ST3GAL2: variants seen among roughly 807,000 people sequenced by gnomAD.
The protein encoded by ST3GAL2 is ST3 beta-galactoside alpha-2,3-sialyltransferase 2, also known as CMP-N-acetylneuraminate-beta-galactosamide-alpha-2,3-sialyltransferase 2.
ST3GAL2 carries 16 observed loss-of-function variants against 37.5 expected under a neutral mutation model. The ratio of observed to expected loss-of-function variants is 0.43; its 90% confidence interval spans 0.29 to 0.65. The LOEUF is 0.65. ST3GAL2 is among the 30% of genes least tolerant of loss of function. ST3GAL2 has a pLI of 0.17. For synonymous variants in ST3GAL2, 238 were observed against 202.9 expected (o/e 1.17, Z -1.47); for missense variants, 383 against 487.8 (o/e 0.79, Z 2.02).
At chr16:70,423,602 C>T (rs2047730513) in intron 1 of ST3GAL2, among the ~76,000 whole-genome samples, 1 of 152,152 alleles carries the variant, frequency 6.6e-6, no homozygotes, top group African/African-American at 2.4e-5. Flanking sequence ...AGTTCTTCTA[C>T]CTCCTGGCTT....
intron 1 of ST3GAL2, chr16:70,422,877 G>C (rs2047724682): frequency 1.3e-5 from 2 of 152,188 alleles, no homozygotes; most frequent in African/African-American, 4.8e-5. Context: ...TCAAATACCT[G>C]TCCCCTCACA....
rs1248482082 is a variant in ST3GAL2, at chr16:70,381,745, G to A, written c.997C>T (p.His333Tyr). 6.2e-7 allele frequency: 1 copy of A among 1,614,098 alleles called. No homozygotes were observed. Among genetic ancestry groups the A allele is most frequent in the South Asian group, 1.1e-5 (1 of 91,090 alleles). The change falls in exon 7 of 7, where the codon CAC (histidine) becomes TAC (tyrosine). Residue 333 changes from histidine (H) to tyrosine (Y), a missense_variant. By Grantham distance (83) the His-to-Tyr change is moderately conservative. Coordinates refer to ENST00000342907, the MANE Select transcript of ST3GAL2 (RefSeq NM_006927.4). ...TGVHDADFEA[H>Y]IIDMLAKASK... ...GCCTTGGCCAGCATGTCGATGATGT[G>A]GGCCTCGAAGTCCGCGTCGTGCACG...
Position 70,399,135 on chromosome 16 carries a change from A to G in ST3GAL2, c.-605T>C. 1 of 399,876 alleles carries G rather than the reference A, an allele frequency of 2.5e-6. No individual in the cohort carries two copies. The highest frequency in any genetic ancestry group is 4.4e-6 in the Non-Finnish European group (1 of 227,026). 24.8% of individuals were successfully genotyped at this position (399,876 alleles called of 1,614,324 possible). A position where few individuals can be genotyped will look rare whatever the true frequency, so the allele number is the denominator to read the frequency against. The stretch of plus-strand genomic sequence containing the variant: ...CCAACCCTGAGAGGACAAAAACAGG[A>G]AGCTCTGTGAGTGTGGGAAAACTCC... On this transcript the variant is annotated 5_prime_UTR_variant, in exon 2 of 7. Transcript: ENST00000342907.
At position 70,388,480 on chromosome 16, in the gene ST3GAL2, C is replaced by T; in HGVS notation, c.600G>A (p.Met200Ile). 6.2e-7 allele frequency: 1 copy of T among 1,613,812 alleles called. No homozygotes were observed. The highest frequency in any genetic ancestry group is 2.2e-5 in the East Asian group (1 of 44,866). The change falls in exon 4 of 7, where the codon ATG (methionine) becomes ATA (isoleucine). Residue 200 changes from methionine to isoleucine, a missense_variant. By Grantham distance (10) the Met-to-Ile change is conservative. Around this residue, in one of 2 missense-constraint regions of ST3GAL2, gnomAD observed 160 missense variants for 248.6 expected, o/e 0.64. Coordinates refer to ENST00000342907, the MANE Select transcript of ST3GAL2 (RefSeq NM_006927.4). ...DVGSRTTHHF[M>I]YPESAKNLPA... ...GCAGGTTCTTGGCACTCTCAGGGTA[C>T]ATGAAATGGTGGGTGGTTCGGCTGC...
chr16:70,401,373 T>C (rs1200907532), intron 1 of ST3GAL2, among the ~76,000 whole-genome samples: 2 of 152,092 alleles, frequency 1.3e-5, no homozygotes, highest in African/African-American at 2.4e-5. Context: ...TTTTGACATG[T>C]CTGGAAAGAG....
In ST3GAL2 at chr16:70,381,820, G is replaced by A. The variant is rs1340688893; in HGVS notation, c.922C>T (p.His308Tyr). 4.3e-6 allele frequency: 7 copies of A among 1,613,950 alleles called. No homozygotes were observed. Among genetic ancestry groups the A allele is most frequent in the Non-Finnish European group, 5.9e-6 (7 of 1,179,962 alleles). The change falls in exon 7 of 7, where the codon CAC (histidine) becomes TAC (tyrosine). Residue 308 changes from histidine (H) to tyrosine (Y), a missense_variant. His to Tyr is a moderately conservative substitution (Grantham distance 83). Transcript: ENST00000342907. Reference protein sequence around the residue: ...GFGADSRGNWHHYWENNRYAG... With the variant: ...GFGADSRGNWYHYWENNRYAG... ...TACCGGTTGTTCTCCCAGTAGTGGT[G>A]CCAGTTGCCCCGGCTGTCGGCCCCG...
At chr16:70,382,680 G>A (rs1327744062) in intron 6 of ST3GAL2, 125 bp downstream of exon 6, 4 of 1,445,644 alleles carry the variant, frequency 2.8e-6, no homozygotes, top group Non-Finnish European at 3.8e-6. Context: ...TAGAGATGGG[G>A]GAAACCAAGG....
At chr16:70,412,253 T>C (rs903959445) in intron 1 of ST3GAL2, among the ~76,000 whole-genome samples, 1 of 152,202 alleles carries the variant, frequency 6.6e-6, no homozygotes, top group Non-Finnish European at 1.5e-5. Flanking sequence ...CTCTAAGACA[T>C]TCTTCTGTTG....
chr16:70,392,447 G>C (rs1353779586), intron 3 of ST3GAL2, among the ~76,000 whole-genome samples: 1 of 152,190 alleles, frequency 6.6e-6, no homozygotes, highest in East Asian at 1.9e-4. Flanking sequence ...GGGCGCAAGT[G>C]GGGTGTGTGC....
Position 70,389,146 on chromosome 16 carries a change from G to A in ST3GAL2, c.534-600C>T, listed in dbSNP as rs1356054909. Among the ~76,000 whole-genome samples the A allele has an allele frequency of 2.0e-4, 25 of 126,824 alleles. 1 individual carries two copies. Among genetic ancestry groups the A allele is most frequent in the South Asian group, 2.6e-4 (1 of 3,806 alleles). The allele number at this position is 126,824 out of a possible 152,430, so 83.2% of individuals were successfully genotyped here. A position where few individuals can be genotyped will look rare whatever the true frequency, so the allele number is the denominator to read the frequency against. ...TGTAATCCCAGCACTTTGGGAGGCC[G>A]AGGTGGGCGGATCACGAGGTCAGGA... On this transcript the variant is annotated intron_variant, in intron 3 of 6. Coordinates refer to ENST00000342907, the MANE Select transcript of ST3GAL2 (RefSeq NM_006927.4).
Position 70,398,250 on chromosome 16 carries a change from G to A in ST3GAL2, c.281C>T (p.Ser94Phe), listed in dbSNP as rs1000766206. ...WFDSHFDGNI[S>F]PVWTRENMDL... ...CATGTTCTCTCGGGTCCAGACGGGG[G>A]AAATGTTACCGTCAAAGTGGCTGTC... is the stretch of plus-strand genomic sequence containing the variant. Residue 94 changes from serine (S) to phenylalanine (F), a missense_variant, in exon 2 of 7, where the codon TCC becomes TTC. Transcript: ENST00000342907. 3 of 1,613,440 alleles carry A rather than the reference G, an allele frequency of 1.9e-6. No individual in the cohort carries two copies. The highest frequency in any genetic ancestry group is 1.1e-5 in the South Asian group (1 of 91,088).
intron 1 of ST3GAL2, among the ~76,000 whole-genome samples, chr16:70,424,623 AAATAAAT>A (rs2047738468): frequency 1.3e-5 from 2 of 152,192 alleles, no homozygotes; most frequent in East Asian, 1.9e-4. Context: ...ATAAATAAAT[AAATAAAT>A]AATAAAGTTC....
In ST3GAL2 at chr16:70,381,414, C is replaced by G; in HGVS notation, c.*275G>C. 4.5e-6 allele frequency: 2 copies of G among 441,346 alleles called. No individual in the cohort carries two copies. The highest frequency in any genetic ancestry group is 8.2e-6 in the Non-Finnish European group (2 of 244,424). 27.3% of individuals were successfully genotyped at this position (441,346 alleles called of 1,614,324 possible). On this transcript the variant is annotated 3_prime_UTR_variant, in exon 7 of 7. Transcript: ENST00000342907. ...TGAGGGAGTGGGGATTGAGCGGCCG[C>G]TGGCCCGCCCCCGAAGGCCATTGAT...
At chr16:70,389,101 CG>C (rs2047463499) in intron 3 of ST3GAL2, among the ~76,000 whole-genome samples, 1 of 136,468 alleles carries the variant, frequency 7.3e-6, no homozygotes, top group Non-Finnish European at 1.5e-5. Flanking sequence ...AAAGGTTGGC[CG>C]GGCGCGGTGG....
In ST3GAL2 at chr16:70,379,979, TATTCTGCTCA is replaced by T. The variant is rs374948658; in HGVS notation, c.*1700_*1709del. 3.3e-5 allele frequency: 5 copies of T among 152,240 alleles called. No individual in the cohort carries two copies. Among genetic ancestry groups the T allele is most frequent in the African/African-American group, 1.2e-4 (5 of 41,512 alleles). 9.4% of individuals were successfully genotyped at this position (152,240 alleles called of 1,614,324 possible). A position where few individuals can be genotyped will look rare whatever the true frequency, so the allele number is the denominator to read the frequency against. On this transcript the variant is annotated 3_prime_UTR_variant, in exon 7 of 7. Transcript: ENST00000342907. ...AGCAAAAGAAAAAAAAGAAATAAATTATTCTGCTCAATACTGTTTGGCATAATTGCATTGC... is the reference window on the plus strand; with the variant it reads ...AGCAAAAGAAAAAAAAGAAATAAATTATACTGTTTGGCATAATTGCATTGC...
chr16:70,424,853 C>T (rs563151803), intron 1 of ST3GAL2, among the ~76,000 whole-genome samples: 1 of 152,246 alleles, frequency 6.6e-6, no homozygotes, highest in South Asian at 2.1e-4. Context: ...TGGCACAGGC[C>T]TCCTTCGTCT....
Position 70,423,855 on chromosome 16 carries a change from G to T in ST3GAL2, c.-1004+15094C>A, listed in dbSNP as rs567819858. Among the ~76,000 whole-genome samples, 15 of 151,562 alleles carry T rather than the reference G, an allele frequency of 9.9e-5. No individual in the cohort carries two copies. In the South Asian group the frequency reaches 3.1e-3, roughly 32 times the overall value. On this transcript the variant is annotated intron_variant, in intron 1 of 6. Transcript: ENST00000342907. ...GGAGGCTGAGGCGGGCAGATCACGA[G>T]GTCAGGAGACAGAGACCACAGTGAA...
chr16:70,397,127 G>A (rs542807907), intron 2 of ST3GAL2, among the ~76,000 whole-genome samples: 24 of 139,378 alleles, frequency 1.7e-4, no homozygotes, highest in Non-Finnish European at 3.3e-4. Flanking sequence ...TGCAACCTCC[G>A]CCTCCCAGGT....
At chr16:70,386,791 G>A (rs748254759) in intron 4 of ST3GAL2, among the ~76,000 whole-genome samples, 8 of 152,098 alleles carry the variant, frequency 5.3e-5, no homozygotes, top group Admixed American at 1.3e-4. Flanking sequence ...GATTACAGGC[G>A]CATGCCACCA....
Sources: gnomAD v4.1 joint callset for allele counts (sites outside exome capture counted in the v4.1 genomes callset) on GRCh38, gnomAD v4.1.1 for gene constraint, gnomAD v4.1.1 regional missense constraint, MANE v1.5 for transcripts, NCBI Gene and HGNC (gene_info 2026-07-23, HGNC 2026-07-21) for gene names.